NRG3: variants seen among roughly 807,000 people sequenced by gnomAD.
NRG3 encodes pro-neuregulin-3, membrane-bound isoform.
NRG3 carries 31 observed loss-of-function variants against 66.9 expected under a neutral mutation model. The observed-to-expected ratio is 0.46, with a 90% CI of 0.35 to 0.63. The LOEUF is 0.63. Ranked by LOEUF, NRG3 falls within the 20% of genes least tolerant of loss-of-function variation. The pLI, the probability that NRG3 is intolerant of heterozygous loss-of-function variation, is 0.00. For missense variants in NRG3, 910 were observed against 878.9 expected (o/e 1.04, Z -0.45); for synonymous variants, 393 against 359.4 (o/e 1.09, Z -1.06).
intron 3 of NRG3, among the ~76,000 whole-genome samples, chr10:82,799,206 G>A (rs1480092370): frequency 1.1e-4 from 16 of 152,002 alleles, no homozygotes; most frequent in East Asian, 3.9e-4. Context: ...GAAGAGCTCC[G>A]GTGTCTAGAA....
chr10:81,892,296 A>G (rs1843088114), intron 1 of NRG3, among the ~76,000 whole-genome samples: 1 of 152,012 alleles, frequency 6.6e-6, no homozygotes, highest in Admixed American at 6.6e-5. Flanking sequence ...ATATATATAC[A>G]TATTCCAAAA....
intron 2 of NRG3, among the ~76,000 whole-genome samples, chr10:82,495,327 A>C (rs543891399): frequency 6.6e-6 from 1 of 152,164 alleles, no homozygotes; most frequent in Non-Finnish European, 1.5e-5. Flanking sequence ...TGGCATTATA[A>C]TAAGTTATGC....
At chr10:82,555,710 G>A (rs1312594161) in intron 2 of NRG3, among the ~76,000 whole-genome samples, 2 of 152,084 alleles carry the variant, frequency 1.3e-5, no homozygotes, top group African/African-American at 4.8e-5. Flanking sequence ...TTCCTTTCAT[G>A]CATACTTGCT....
At chr10:82,830,193 G>C (rs905173800) in intron 3 of NRG3, among the ~76,000 whole-genome samples, 1 of 152,146 alleles carries the variant, frequency 6.6e-6, no homozygotes, top group African/African-American at 2.4e-5. Flanking sequence ...GCTCAGAATA[G>C]TCCTAATCGG....
intron 1 of NRG3, among the ~76,000 whole-genome samples, chr10:82,120,846 T>C (rs1433940460): frequency 6.6e-6 from 1 of 152,130 alleles, no homozygotes; most frequent in Admixed American, 6.6e-5. Context: ...CAGCTCCTTC[T>C]CTGCATACGG....
intron 3 of NRG3, among the ~76,000 whole-genome samples, chr10:82,748,807 A>G (rs1051259810): frequency 6.6e-6 from 1 of 151,284 alleles, no homozygotes; most frequent in Non-Finnish European, 1.5e-5. Flanking sequence ...AAATACATAA[A>G]TAAATAATAA....
At chr10:82,196,435 C>T (rs1014327846) in intron 1 of NRG3, among the ~76,000 whole-genome samples, 6 of 152,156 alleles carry the variant, frequency 3.9e-5, no homozygotes, top group Non-Finnish European at 8.8e-5. Flanking sequence ...AGAAAGTACA[C>T]TGGCCTGAGA....
chr10:82,807,357 G>C (rs1438359978), intron 3 of NRG3, among the ~76,000 whole-genome samples: 3 of 152,092 alleles, frequency 2.0e-5, no homozygotes, highest in African/African-American at 7.2e-5. Flanking sequence ...CTCAATAAGG[G>C]GAACTGACAG....
At chr10:82,977,803 T>C (rs4259774) in intron 7 of NRG3, among the ~76,000 whole-genome samples, 141,159 of 152,080 alleles carry the variant, frequency 0.93, 65,535 homozygotes, top group Middle Eastern at 0.98. Flanking sequence ...ATAATATTTG[T>C]AAAGTCCTGT....
At chr10:81,997,328 G>T (rs1276734539) in intron 1 of NRG3, among the ~76,000 whole-genome samples, 1 of 152,212 alleles carries the variant, frequency 6.6e-6, no homozygotes, top group Admixed American at 6.5e-5. Context: ...TGCCCTCCGT[G>T]CCTGTGCAGG....
intron 2 of NRG3, among the ~76,000 whole-genome samples, chr10:82,609,151 T>C (rs549212000): frequency 2.6e-5 from 4 of 152,330 alleles, no homozygotes; most frequent in African/African-American, 7.2e-5. Flanking sequence ...GGAAGACAAC[T>C]TTGAATGTAT....
chr10:82,554,660 C>T (rs903363735), intron 2 of NRG3, among the ~76,000 whole-genome samples: 1 of 152,104 alleles, frequency 6.6e-6, no homozygotes, highest in Non-Finnish European at 1.5e-5. Flanking sequence ...CCTAAGGGAG[C>T]TCAGGCATGT....
chr10:82,455,367 C>A (rs2091220525), intron 2 of NRG3, among the ~76,000 whole-genome samples: 1 of 152,074 alleles, frequency 6.6e-6, no homozygotes, highest in Non-Finnish European at 1.5e-5. Flanking sequence ...GTACTGAATA[C>A]TATAGGCAAT....
intron 4 of NRG3, among the ~76,000 whole-genome samples, chr10:82,909,280 CTT>C (rs769564804): frequency 6.6e-6 from 1 of 152,178 alleles, no homozygotes; most frequent in Non-Finnish European, 1.5e-5. Flanking sequence ...GGATTTTTGA[CTT>C]TAACATAATG....
chr10:81,990,310 A>G (rs2060691182), intron 1 of NRG3, among the ~76,000 whole-genome samples: 1 of 152,184 alleles, frequency 6.6e-6, no homozygotes, highest in African/African-American at 2.4e-5. Flanking sequence ...TCTCATATTA[A>G]AAGTGGAGAA....
At chr10:82,168,530 C>T (rs1467620273) in intron 1 of NRG3, among the ~76,000 whole-genome samples, 1 of 152,048 alleles carries the variant, frequency 6.6e-6, no homozygotes, top group East Asian at 1.9e-4. Context: ...TTTTTCTTTT[C>T]TCACAATGTT....
chr10:82,427,726 G>A (rs1217090896), intron 2 of NRG3, among the ~76,000 whole-genome samples: 1 of 152,014 alleles, frequency 6.6e-6, no homozygotes, highest in Admixed American at 6.6e-5. Context: ...GTCTCACTTT[G>A]AGTCAATAAG....
At chr10:81,979,645 A>T (rs1471291890) in intron 1 of NRG3, among the ~76,000 whole-genome samples, 1 of 152,194 alleles carries the variant, frequency 6.6e-6, no homozygotes, top group African/African-American at 2.4e-5. Context: ...TTTTGATAGC[A>T]GAGTCAAAAG....
At chr10:82,931,748 G>T (rs1847600880) in intron 4 of NRG3, among the ~76,000 whole-genome samples, 1 of 152,030 alleles carries the variant, frequency 6.6e-6, no homozygotes. Flanking sequence ...CTCAGTTTTG[G>T]TTTGCACGGG....
Sources: gnomAD v4.1 joint callset for allele counts (sites outside exome capture counted in the v4.1 genomes callset) on GRCh38, gnomAD v4.1.1 for gene constraint, MANE v1.5 for transcripts, NCBI Gene and HGNC (gene_info 2026-07-23, HGNC 2026-07-21) for gene names.